AMOTL1: variants seen among roughly 807,000 people sequenced by gnomAD.
AMOTL1 encodes the protein angiomotin-like protein 1.
Under a neutral mutation model 102.9 loss-of-function variants are expected in AMOTL1, and 45 were observed. That is an observed-to-expected ratio of 0.44 (90% CI 0.34 to 0.56). AMOTL1 has a LOEUF of 0.56. Ranked by LOEUF, AMOTL1 falls within the 20% of genes least tolerant of loss-of-function variation. The pLI is 0.01. For synonymous variants in AMOTL1, 481 were observed against 484.7 expected, an observed-to-expected ratio of 0.99 and a Z score of 0.10; for missense variants, 1,114 against 1,225.6, an observed-to-expected ratio of 0.91 and a Z score of 1.36.
rs573046177 is a variant in AMOTL1, at chr11:94,759,138, G to C, written c.136+18150G>C. ...CTTTTGTAGTTTTAACCAAAAAAGT[G>C]CCCTTTTTGTCACTGGATTCACCTA... On this transcript the variant is annotated intron_variant, in intron 3 of 4. Coordinates refer to the AMOTL1 transcript ENST00000299004. Among the ~76,000 whole-genome samples the C allele has an allele frequency of 1.1e-3, 166 of 152,204 alleles. 5 individuals carry two copies. The South Asian group carries it at 0.033, about 30-fold the overall frequency.
rs576910679 is a variant in AMOTL1 at position 94,761,275 on chromosome 11, G to A, written c.136+20287G>A. On this transcript the variant is annotated intron_variant, in intron 3 of 4. Coordinates refer to the AMOTL1 transcript ENST00000299004. The stretch of plus-strand genomic sequence containing the variant: ...GTGATCTCGGCTCACTGCAACCTCC[G>A]CCTCCCAGGTTTAAGTGATTTTCCT... Among the ~76,000 whole-genome samples, 193 of 149,364 alleles carry A rather than the reference G, an allele frequency of 1.3e-3. 2 individuals are homozygous for A. The highest frequency in any genetic ancestry group is 4.7e-3 in the African/African-American group (188 of 40,352).
At chr11:94,827,321 C>T (rs1277372618) in intron 4 of AMOTL1, among the ~76,000 whole-genome samples, 1 of 152,220 alleles carries the variant, frequency 6.6e-6, no homozygotes, top group African/African-American at 2.4e-5. Context: ...CTGAACACCA[C>T]TCTCATGGTG....
At chr11:94,845,427 A>G (rs536786630) in intron 6 of AMOTL1, among the ~76,000 whole-genome samples, 8 of 152,292 alleles carry the variant, frequency 5.3e-5, no homozygotes, top group African/African-American at 1.9e-4. Flanking sequence ...CTATTCGTCA[A>G]ATGGGGCTTA....
intron 4 of AMOTL1, among the ~76,000 whole-genome samples, chr11:94,826,685 A>G (rs1229138940): frequency 6.6e-6 from 1 of 152,194 alleles, no homozygotes; most frequent in Non-Finnish European, 1.5e-5. Flanking sequence ...AGCCATTCAC[A>G]AGGGACCCGC....
In AMOTL1 at chr11:94,860,655, T is replaced by C. The variant is rs148465447; in HGVS notation, c.2135+940T>C. ...GTTTGCTTTCTGCCCATAAGTTATA[T>C]TGGACATTTAACTTAAAGTTGTTTG... On this transcript the variant is annotated intron_variant, in intron 9 of 12. Coordinates refer to ENST00000433060, the MANE Select transcript of AMOTL1 (RefSeq NM_130847.3). 5.2e-3 allele frequency among the ~76,000 whole-genome samples: 795 copies of C among 152,244 alleles called. 12 individuals carry two copies. The highest frequency in any genetic ancestry group is 0.018 in the African/African-American group (762 of 41,524).
chr11:94,716,632 G>A (rs1411071148), intron 1 of AMOTL1, among the ~76,000 whole-genome samples: 2 of 152,074 alleles, frequency 1.3e-5, no homozygotes, highest in Admixed American at 1.3e-4. Context: ...CTTTATTACT[G>A]CAGGTGCCTC....
At chr11:94,836,515 A>T (rs1952185078) in intron 6 of AMOTL1, among the ~76,000 whole-genome samples, 1 of 152,358 alleles carries the variant, frequency 6.6e-6, no homozygotes, top group East Asian at 1.9e-4. Flanking sequence ...CTGGCATTCA[A>T]TAAATGTTTA....
intron 3 of AMOTL1, among the ~76,000 whole-genome samples, chr11:94,813,050 G>A (rs377208577): frequency 4.6e-5 from 7 of 152,190 alleles, no homozygotes; most frequent in East Asian, 1.9e-4. Context: ...CCCATTCTCC[G>A]CAGGAGGTCA....
chr11:94,830,307 G>A, intron 5 of AMOTL1, 113 bp downstream of exon 5: 1 of 1,005,968 alleles, frequency 9.9e-7, no homozygotes, highest in Non-Finnish European at 1.4e-6. Flanking sequence ...ACCTGTGTTG[G>A]ATAATCTTGT....
chr11:94,795,477 C>T (rs1358422011), intron 2 of AMOTL1, among the ~76,000 whole-genome samples: 1 of 152,172 alleles, frequency 6.6e-6, no homozygotes, highest in Non-Finnish European at 1.5e-5. Flanking sequence ...CTCAGAATCT[C>T]ATTTCTTTTT....
intron 3 of AMOTL1, among the ~76,000 whole-genome samples, chr11:94,814,468 A>G (rs1263932494): frequency 6.6e-6 from 1 of 152,240 alleles, no homozygotes; most frequent in African/African-American, 2.4e-5. Context: ...AGCTGGGGTG[A>G]GTGAGCTCAA....
chr11:94,869,364 C>T lies in AMOTL1; in HGVS notation c.2655C>T (p.Leu885=). 2 of 1,609,986 alleles carry T rather than the reference C, an allele frequency of 1.2e-6. No individual in the cohort carries two copies. The highest frequency in any genetic ancestry group is 1.7e-6 in the Non-Finnish European group (2 of 1,178,298). The change falls in exon 12 of 13, where the codon CTC becomes CTT. Residue 885 remains leucine, a synonymous_variant. Transcript: ENST00000433060. ...SSTQTDKSAE[L]FWPSMASLPS... is the part of the protein sequence containing the mutation. Reference sequence around the variant, plus strand: ...CACAGACTGACAAGAGTGCCGAGCTCTTCTGGCCCAGCATGGCCTCCCTTC... The same window carrying T: ...CACAGACTGACAAGAGTGCCGAGCTTTTCTGGCCCAGCATGGCCTCCCTTC...
rs1952046001 is a variant in AMOTL1 at position 94,830,287 on chromosome 11, G to T, written c.1558+93G>T. 5.7e-6 allele frequency: 7 copies of T among 1,225,184 alleles called. No individual in the cohort carries two copies. In the East Asian group the frequency reaches 1.6e-4, roughly 27 times the overall value. The allele number at this position is 1,225,184 out of a possible 1,614,324, so 75.9% of individuals were successfully genotyped here. A position where few individuals can be genotyped will look rare whatever the true frequency, so the allele number is the denominator to read the frequency against. Reference sequence around the variant, plus strand: ...TCAAGGCCAGAGTGCTTTGCCACAGGTACTGGTCTACCTGTGTTGGATAAT... The same window carrying T: ...TCAAGGCCAGAGTGCTTTGCCACAGTTACTGGTCTACCTGTGTTGGATAAT... On this transcript the variant is annotated intron_variant, in intron 5 of 12. Coordinates refer to ENST00000433060, the MANE Select transcript of AMOTL1 (RefSeq NM_130847.3).
At position 94,862,211 on chromosome 11, in the gene AMOTL1, A is replaced by G. The variant is rs548881292; in HGVS notation, c.2135+2496A>G. Among the ~76,000 whole-genome samples the G allele has an allele frequency of 2.0e-5, 3 of 152,328 alleles. No individual in the cohort carries two copies. The East Asian group carries it at 5.8e-4, about 29-fold the overall frequency. On this transcript the variant is annotated intron_variant, in intron 9 of 12. Coordinates refer to ENST00000433060, the MANE Select transcript of AMOTL1 (RefSeq NM_130847.3). ...ACAGACTACCCCTTCTGGGTGGGGG[A>G]ATAGGTTCAGAGAACCTCAGATAGC...
chr11:94,840,707 CAT>C lies in AMOTL1; in HGVS notation c.1648+9176_1648+9177del, dbSNP rs1314874637. On this transcript the variant is annotated intron_variant, in intron 6 of 12. Transcript: ENST00000433060. ...ACACACACACACACACACACACACA[CAT>C]ATATATATACATATATATGTACACA... Among the ~76,000 whole-genome samples the C allele has an allele frequency of 4.7e-3, 584 of 124,874 alleles. 4 individuals are homozygous for C. Among genetic ancestry groups the C allele is most frequent in the African/African-American group, 0.013 (450 of 34,872 alleles). 81.9% of individuals were successfully genotyped at this position (124,874 alleles called of 152,430 possible).
intron 1 of AMOTL1, among the ~76,000 whole-genome samples, chr11:94,785,388 G>A (rs996521491): frequency 1.3e-5 from 2 of 152,134 alleles, no homozygotes; most frequent in African/African-American, 4.8e-5. Flanking sequence ...ACCTCTGTGA[G>A]CTCAGTATCA....
At chr11:94,710,019 A>G (rs1949997463) in intron 1 of AMOTL1, among the ~76,000 whole-genome samples, 1 of 152,184 alleles carries the variant, frequency 6.6e-6, no homozygotes, top group Non-Finnish European at 1.5e-5. Context: ...TTATAATAAA[A>G]TCAGGGAAAA....
intron 6 of AMOTL1, among the ~76,000 whole-genome samples, chr11:94,846,424 A>G (rs963178675): frequency 6.6e-6 from 1 of 152,222 alleles, no homozygotes; most frequent in Non-Finnish European, 1.5e-5. Context: ...AATAGGTACT[A>G]TTGTGATGCT....
At chr11:94,837,661 A>G (rs1373006240) in intron 6 of AMOTL1, among the ~76,000 whole-genome samples, 1 of 152,188 alleles carries the variant, frequency 6.6e-6, no homozygotes, top group African/African-American at 2.4e-5. Context: ...GTGAAAATTA[A>G]TGTTACTCAA....
Sources: allele counts gnomAD v4.1 joint callset (sites outside exome capture counted in the v4.1 genomes callset), GRCh38; gene constraint gnomAD v4.1.1; transcripts MANE v1.5; gene names NCBI Gene and HGNC (gene_info 2026-07-23, HGNC 2026-07-21).